The following AHCYL2 variants were observed in gnomAD, a reference collection of about 807,000 sequenced individuals.
The protein encoded by AHCYL2 is S-adenosylhomocysteine hydrolase-like protein 2.
In AHCYL2, 28 loss-of-function variants were observed where a neutral mutation model predicts 81.4. That is an observed-to-expected ratio of 0.34 (90% CI 0.25 to 0.47). AHCYL2 has a LOEUF of 0.47. Ranked by LOEUF, AHCYL2 falls within the 20% of genes least tolerant of loss-of-function variation. The pLI is 1.00. For missense variants in AHCYL2, 551 were observed against 785.1 expected (o/e 0.70, Z 3.56); for synonymous variants, 272 against 290.2 (o/e 0.94, Z 0.64).
intron 1 of AHCYL2, among the ~76,000 whole-genome samples, chr7:129,361,444 G>A (rs1174714325): frequency 6.6e-6 from 1 of 151,986 alleles, no homozygotes; most frequent in Non-Finnish European, 1.5e-5. Flanking sequence ...TCCTTGTACT[G>A]TAAGCACCAC....
chr7:129,242,988 T>C (rs2150691668), intron 1 of AHCYL2, among the ~76,000 whole-genome samples: 1 of 150,522 alleles, frequency 6.6e-6, no homozygotes. Context: ...GGGATCCCAG[T>C]GGCGTTTTCT....
chr7:129,241,223 C>T (rs1417139000), intron 1 of AHCYL2, among the ~76,000 whole-genome samples: 2 of 152,164 alleles, frequency 1.3e-5, no homozygotes, highest in Admixed American at 1.3e-4. Flanking sequence ...GTTTTATAAA[C>T]GTTAAGTTCC....
At chr7:129,367,784 G>A (rs1794180213) in intron 1 of AHCYL2, among the ~76,000 whole-genome samples, 1 of 152,204 alleles carries the variant, frequency 6.6e-6, no homozygotes, top group African/African-American at 2.4e-5. Flanking sequence ...TGTCGTCCCA[G>A]AACTTTCTTA....
At chr7:129,382,365 C>T (rs1013838004) in intron 2 of AHCYL2, among the ~76,000 whole-genome samples, 8 of 151,822 alleles carry the variant, frequency 5.3e-5, no homozygotes, top group African/African-American at 1.5e-4. Context: ...TTTGGGAGGC[C>T]GAGACAGGCA....
At chr7:129,327,344 C>T (rs1023867359) in intron 1 of AHCYL2, among the ~76,000 whole-genome samples, 1 of 152,144 alleles carries the variant, frequency 6.6e-6, no homozygotes, top group African/African-American at 2.4e-5. Flanking sequence ...ATTTGTTGCA[C>T]GTTGATCTTG....
At chr7:129,287,978 C>T (rs1461582712) in intron 1 of AHCYL2, among the ~76,000 whole-genome samples, 3 of 152,188 alleles carry the variant, frequency 2.0e-5, no homozygotes, top group Non-Finnish European at 4.4e-5. Flanking sequence ...GTAAACATAT[C>T]ACTATATCTC....
chr7:129,361,435 C>T (rs1462185184), intron 1 of AHCYL2, among the ~76,000 whole-genome samples: 1 of 152,172 alleles, frequency 6.6e-6, no homozygotes, highest in African/African-American at 2.4e-5. Flanking sequence ...TTGCCTCTCT[C>T]CTTGTACTGT....
intron 4 of AHCYL2, among the ~76,000 whole-genome samples, chr7:129,392,168 C>T (rs921372570): frequency 3.3e-5 from 5 of 152,004 alleles, no homozygotes; most frequent in African/African-American, 1.2e-4. Context: ...TTGTTTCCAC[C>T]CCACATTTTT....
rs143526264 is a variant in AHCYL2 at position 129,359,860 on chromosome 7, G to A, written c.364-19778G>A. ...TAGGGAGTAGAGAAGGTAGCTTAGT[G>A]ACTGCTTTAGAATACTGTAATCTTT... On this transcript the variant is annotated intron_variant, in intron 1 of 16. Transcript: ENST00000325006. Among the ~76,000 whole-genome samples, 4 of 152,296 alleles carry A rather than the reference G, an allele frequency of 2.6e-5. No individual in the cohort carries two copies. In the East Asian group the frequency reaches 7.7e-4, roughly 29 times the overall value.
chr7:129,368,481 C>T lies in AHCYL2; in HGVS notation c.364-11157C>T, dbSNP rs1250781152. 1 of 1,613,986 alleles carries T rather than the reference C, an allele frequency of 6.2e-7. No individual in the cohort carries two copies. Among genetic ancestry groups the T allele is most frequent in the Admixed American group, 1.7e-5 (1 of 60,028 alleles). ...CCCTTTTGCTTCAGGACATATCTTACCCAAGCCTGCACTATGGAGAAGTGG... is the reference window on the plus strand; with the variant it reads ...CCCTTTTGCTTCAGGACATATCTTATCCAAGCCTGCACTATGGAGAAGTGG... On this transcript the variant is annotated intron_variant, in intron 1 of 16. Transcript: ENST00000325006. The surrounding 1 kb of genome is among the most constrained non-coding windows in gnomAD (Gnocchi z 4.4).
intron 1 of AHCYL2, among the ~76,000 whole-genome samples, chr7:129,376,223 A>C (rs1189982665): frequency 1.3e-5 from 2 of 152,224 alleles, no homozygotes; most frequent in African/African-American, 2.4e-5. Context: ...GGCAGATTAC[A>C]AAACCAATCC....
intron 1 of AHCYL2, among the ~76,000 whole-genome samples, chr7:129,253,188 C>T (rs1444623951): frequency 6.6e-6 from 1 of 151,240 alleles, no homozygotes; most frequent in East Asian, 1.9e-4. Flanking sequence ...GCCTGGCCGA[C>T]AGAGCAAGAC....
intron 1 of AHCYL2, among the ~76,000 whole-genome samples, chr7:129,379,067 G>C (rs1794825798): frequency 6.6e-6 from 1 of 152,068 alleles, no homozygotes. Flanking sequence ...AATCACTTGA[G>C]GTCAGGAGTT....
chr7:129,251,095 G>A (rs1795232086), intron 1 of AHCYL2, among the ~76,000 whole-genome samples: 2 of 152,198 alleles, frequency 1.3e-5, no homozygotes, highest in African/African-American at 4.8e-5. Context: ...TTAAATAGAT[G>A]TAGTTTATTT....
Position 129,317,361 on chromosome 7 carries a change from G to A in AHCYL2, c.364-62277G>A, listed in dbSNP as rs147740811. On this transcript the variant is annotated intron_variant, in intron 1 of 16. Coordinates refer to ENST00000325006, the MANE Select transcript of AHCYL2 (RefSeq NM_015328.4). ...CCCTGTGTCAGTGTGGATCCTCCAA[G>A]ACAGACTTAGAGGCATAAAATTTAT... Among the ~76,000 whole-genome samples, 8 of 152,238 alleles carry A rather than the reference G, an allele frequency of 5.3e-5. No homozygotes were observed. In the East Asian group the frequency reaches 1.5e-3, roughly 29 times the overall value.
At chr7:129,262,504 T>C (rs1795678247) in intron 1 of AHCYL2, among the ~76,000 whole-genome samples, 1 of 152,214 alleles carries the variant, frequency 6.6e-6, no homozygotes, top group African/African-American at 2.4e-5. Context: ...CTCTGTAGAC[T>C]GGCCAGAACC....
intron 1 of AHCYL2, among the ~76,000 whole-genome samples, chr7:129,373,212 G>A (rs1285300839): frequency 6.6e-6 from 1 of 152,164 alleles, no homozygotes. Context: ...CTCTCCAGGT[G>A]ATTTTGATGC....
chr7:129,415,299 C>T (rs1021991113), intron 12 of AHCYL2, among the ~76,000 whole-genome samples: 1 of 152,178 alleles, frequency 6.6e-6, no homozygotes, highest in South Asian at 2.1e-4. Flanking sequence ...GCCCTGGGCC[C>T]TAATGGGAAA....
intron 1 of AHCYL2, among the ~76,000 whole-genome samples, chr7:129,266,230 A>G (rs1194030198): frequency 6.6e-6 from 1 of 152,250 alleles, no homozygotes; most frequent in Non-Finnish European, 1.5e-5. Context: ...TTCAGCCTTT[A>G]TCGGTTAGGC....
Sources: gnomAD v4.1 joint callset for allele counts (sites outside exome capture counted in the v4.1 genomes callset) on GRCh38, gnomAD v4.1.1 for gene constraint, Gnocchi (gnomAD v3.1) non-coding constraint, MANE v1.5 for transcripts, NCBI Gene and HGNC (gene_info 2026-07-23, HGNC 2026-07-21) for gene names.